Variants in TSNARE1 observed in about 807,000 individuals in gnomAD.
TSNARE1 encodes the protein t-SNARE domain containing 1.
Under a neutral mutation model 62.0 loss-of-function variants are expected in TSNARE1, and 49 were observed. That is an observed-to-expected ratio of 0.79 (90% CI 0.63 to 1.00). The LOEUF (loss-of-function observed/expected upper bound fraction) is 1.00. Among genes scored for constraint, TSNARE1 ranks in the 50% least tolerant of loss-of-function variants. TSNARE1 has a pLI of 0.00. For synonymous variants in TSNARE1, 328 were observed against 294.4 expected (o/e 1.11, Z -1.17); for missense variants, 755 against 700.1 (o/e 1.08, Z -0.88).
At chr8:142,328,845 G>A (rs900505666) in intron 6 of TSNARE1, among the ~76,000 whole-genome samples, 3 of 151,586 alleles carry the variant, frequency 2.0e-5, no homozygotes, top group African/African-American at 7.3e-5. Flanking sequence ...CCGCACACAG[G>A]TGACAGAAAT....
At chr8:142,219,170 G>C (rs920608296) in intron 13 of TSNARE1, among the ~76,000 whole-genome samples, 3 of 152,194 alleles carry the variant, frequency 2.0e-5, no homozygotes, top group African/African-American at 7.2e-5. Context: ...CAGAATCCCT[G>C]TTTCTGCTAA....
At chr8:142,342,793 C>T (rs1015668870) in intron 4 of TSNARE1, among the ~76,000 whole-genome samples, 11 of 151,336 alleles carry the variant, frequency 7.3e-5, no homozygotes, top group Non-Finnish European at 1.0e-4. Flanking sequence ...GGAGCTCAGA[C>T]GCCATGCCTA....
At chr8:142,261,627 C>T (rs537845193) in intron 12 of TSNARE1, among the ~76,000 whole-genome samples, 3 of 152,076 alleles carry the variant, frequency 2.0e-5, no homozygotes, top group Non-Finnish European at 4.4e-5. Context: ...TCTGTGAAGG[C>T]AGCATTTCTC....
chr8:142,290,423 CT>C (rs2131050083), intron 10 of TSNARE1, among the ~76,000 whole-genome samples: 1 of 152,354 alleles, frequency 6.6e-6, no homozygotes, highest in Non-Finnish European at 1.5e-5. Flanking sequence ...ATTAAAAGCG[CT>C]CATGGAATTT....
At chr8:142,338,261 G>A (rs9324582) in intron 4 of TSNARE1, among the ~76,000 whole-genome samples, 31,800 of 152,160 alleles carry the variant, frequency 0.21, 3,563 homozygotes, top group African/African-American at 0.28. Context: ...TTACCTGCCC[G>A]CTGCAGACGA....
chr8:142,305,897 G>A (rs1826588866), intron 9 of TSNARE1, among the ~76,000 whole-genome samples: 1 of 152,220 alleles, frequency 6.6e-6, no homozygotes, highest in Admixed American at 6.5e-5. Context: ...TGGAGACAGG[G>A]CACACACGGT....
intron 1 of TSNARE1, among the ~76,000 whole-genome samples, chr8:142,381,306 C>T (rs1207987669): frequency 1.3e-5 from 2 of 152,240 alleles, no homozygotes; most frequent in East Asian, 3.8e-4. Flanking sequence ...CCAGCACCTG[C>T]CCACTCTGTG....
rs750160208 is a variant in TSNARE1, at chr8:142,217,878, G to A, written c.*12-5565C>T. Among the ~76,000 whole-genome samples, 74 of 37,098 alleles carry A rather than the reference G, an allele frequency of 2.0e-3. 1 individual carries two copies. The highest frequency in any genetic ancestry group is 2.3e-3 in the Non-Finnish European group (36 of 15,710). The allele number at this position is 37,098 out of a possible 152,430, so 24.3% of individuals were successfully genotyped here. A position where few individuals can be genotyped will look rare whatever the true frequency, so the allele number is the denominator to read the frequency against. On this transcript the variant is annotated intron_variant, in intron 13 of 13. Coordinates refer to ENST00000524325, the MANE Select transcript of TSNARE1 (RefSeq NM_145003.5). Reference sequence around the variant, plus strand: ...GGATCAGGGCTCAGTGTGTGGCCAGGATCAGGGCTCAGTGTGTGACCAGGA... The same window carrying A: ...GGATCAGGGCTCAGTGTGTGGCCAGAATCAGGGCTCAGTGTGTGACCAGGA...
At chr8:142,388,917 G>C (rs572208160) in intron 1 of TSNARE1, among the ~76,000 whole-genome samples, 1 of 152,272 alleles carries the variant, frequency 6.6e-6, no homozygotes, top group South Asian at 2.1e-4. Flanking sequence ...ACACACATAT[G>C]TGATAAATAA....
rs554084960 is a variant in TSNARE1, at chr8:142,301,030, C to G, written c.1132-386G>C. Among the ~76,000 whole-genome samples the G allele has an allele frequency of 6.3e-4, 52 of 82,270 alleles. No homozygotes were observed. In the South Asian group the frequency reaches 0.021, roughly 33 times the overall value. The allele number at this position is 82,270 out of a possible 152,430, so 54.0% of individuals were successfully genotyped here. On this transcript the variant is annotated intron_variant, in intron 9 of 13. Coordinates refer to ENST00000524325, the MANE Select transcript of TSNARE1 (RefSeq NM_145003.5). ...TCATACCGAACTGAAAACGCGACAA[C>G]AGCGGTGATCCCACCCCACAGCCCT...
chr8:142,222,182 C>CCACTCACTCATT (rs1386918421), intron 13 of TSNARE1, among the ~76,000 whole-genome samples: 4 of 74,884 alleles, frequency 5.3e-5, no homozygotes, highest in African/African-American at 2.3e-4. Context: ...ACTCACTCAT[C>CCACTCACTCATT]CACTCACTCA....
chr8:142,314,521 A>G, intron 8 of TSNARE1, 81 bp from the exon 9 acceptor site: 3 of 1,284,308 alleles, frequency 2.3e-6, no homozygotes, highest in Non-Finnish European at 2.2e-6. Context: ...AGCTGAGTGC[A>G]GGGCTCTGGA....
intron 12 of TSNARE1, chr8:142,271,549 TG>T (rs770711122): frequency 1.5e-6 from 2 of 1,376,518 alleles, no homozygotes; most frequent in South Asian, 1.7e-5. Context: ...GGGTGGAGGC[TG>T]GGGAAGCAGG....
chr8:142,269,869 G>A, intron 12 of TSNARE1: 1 of 985,454 alleles, frequency 1.0e-6, no homozygotes, highest in South Asian at 4.7e-5. Flanking sequence ...CTACACCTCA[G>A]GTTCTTTCAT....
intron 1 of TSNARE1, among the ~76,000 whole-genome samples, chr8:142,384,739 C>T (rs1453992253): frequency 2.0e-5 from 3 of 152,098 alleles, no homozygotes; most frequent in Non-Finnish European, 2.9e-5. Flanking sequence ...TACAAGAAAA[C>T]ATAAAGGAAA....
At chr8:142,250,101 G>A (rs543297383) in intron 12 of TSNARE1, among the ~76,000 whole-genome samples, 8 of 152,274 alleles carry the variant, frequency 5.3e-5, no homozygotes, top group African/African-American at 1.9e-4. Context: ...ACCTGCTGGA[G>A]CCAGGCCGGC....
At chr8:142,349,589 G>A (rs1833828670) in intron 2 of TSNARE1, among the ~76,000 whole-genome samples, 1 of 152,190 alleles carries the variant, frequency 6.6e-6, no homozygotes, top group Non-Finnish European at 1.5e-5. Flanking sequence ...GCAGAGACCT[G>A]TGGAACTGCC....
intron 13 of TSNARE1, among the ~76,000 whole-genome samples, chr8:142,221,783 AC>A (rs1208339076): frequency 2.1e-5 from 3 of 144,306 alleles, no homozygotes. Context: ...TCATTCACTC[AC>A]TCATCCACTC....
At chr8:142,274,401 C>A in intron 12 of TSNARE1, 1 of 985,480 alleles carries the variant, frequency 1.0e-6, no homozygotes, top group Non-Finnish European at 1.2e-6. Context: ...GCCCCAACCA[C>A]AAAGTCCCCT....
Sources: allele counts gnomAD v4.1 joint callset (sites outside exome capture counted in the v4.1 genomes callset), GRCh38; gene constraint gnomAD v4.1.1; transcripts MANE v1.5; gene names NCBI Gene and HGNC (gene_info 2026-07-23, HGNC 2026-07-21).